Variants in ELP3 observed in about 807,000 individuals in gnomAD.
ELP3 encodes elongator complex protein 3.
In ELP3, 56 loss-of-function variants were observed where a neutral mutation model predicts 74.9. The ratio of observed to expected loss-of-function variants is 0.75; its 90% CI spans 0.60 to 0.93. The LOEUF is 0.93. Ranked by LOEUF, ELP3 falls within the 40% of genes least tolerant of loss-of-function variation. The probability of loss-of-function intolerance (pLI) is 0.00; values close to 1 mark genes in which losing one functional copy is unlikely to be tolerated. For synonymous variants in ELP3, 222 were observed against 239.8 expected, an observed-to-expected ratio of 0.93 and a Z score of 0.68; for missense variants, 573 against 686.5, an observed-to-expected ratio of 0.83 and a Z score of 1.85.
chr8:28,128,212 G>A (rs2130452048), intron 7 of ELP3, among the ~76,000 whole-genome samples: 1 of 152,244 alleles, frequency 6.6e-6, no homozygotes, highest in East Asian at 1.9e-4. Context: ...AGTGGCTCAT[G>A]CCCGTAATCC....
chr8:28,092,229 T>A (rs980634821), upstream of ELP3, among the ~76,000 whole-genome samples: 1 of 60,962 alleles, frequency 1.6e-5, no homozygotes, highest in Admixed American at 1.7e-4. Context: ...GCTTAACTTT[T>A]TGTTGTTGTT....
chr8:28,135,886 G>A (rs1031535989), intron 9 of ELP3, among the ~76,000 whole-genome samples: 1 of 151,646 alleles, frequency 6.6e-6, no homozygotes, highest in African/African-American at 2.4e-5. Context: ...GCCATCTTGG[G>A]TCTCATTCTT....
chr8:28,163,616 C>G (rs1156797711), intron 14 of ELP3, among the ~76,000 whole-genome samples: 1 of 150,978 alleles, frequency 6.6e-6, no homozygotes, highest in Admixed American at 6.6e-5. Context: ...ATAAGGCTCA[C>G]TTGATTGGTA....
chr8:28,109,449 T>C (rs1811827686), intron 5 of ELP3, among the ~76,000 whole-genome samples: 1 of 152,186 alleles, frequency 6.6e-6, no homozygotes, highest in Admixed American at 6.5e-5. Context: ...CTCTTCCCCC[T>C]ACCAGTTAGT....
chr8:28,113,334 G>A (rs1004708634), intron 7 of ELP3, among the ~76,000 whole-genome samples, 161 bp downstream of exon 7: 10 of 152,038 alleles, frequency 6.6e-5, no homozygotes, highest in African/African-American at 2.2e-4. Context: ...TAATGCTTTC[G>A]CTGAAATAAT....
At chr8:28,140,893 A>G (rs1223485827) in intron 10 of ELP3, among the ~76,000 whole-genome samples, 2 of 152,208 alleles carry the variant, frequency 1.3e-5, no homozygotes, top group Non-Finnish European at 2.9e-5. Context: ...AATCAACAAT[A>G]TATATCAGAT....
chr8:28,156,303 T>C (rs912105736), intron 11 of ELP3, among the ~76,000 whole-genome samples: 4 of 152,204 alleles, frequency 2.6e-5, no homozygotes, highest in African/African-American at 9.7e-5. Flanking sequence ...AGTTTTTCTT[T>C]TGAAGTATTA....
chr8:28,131,232 A>T (rs1005949790), intron 8 of ELP3, among the ~76,000 whole-genome samples: 3 of 152,386 alleles, frequency 2.0e-5, no homozygotes, highest in East Asian at 1.9e-4. Context: ...TAAGTTTCAG[A>T]TACCTGTAGA....
In ELP3 at chr8:28,132,280, G is replaced by A. The variant is rs780595629; in HGVS notation, c.782G>A (p.Gly261Asp). The A allele has an allele frequency of 5.0e-6, 8 of 1,613,866 alleles. No individual in the cohort carries two copies. In the African/African-American group the frequency reaches 9.3e-5, roughly 19 times the overall value. Residue 261 changes from glycine to aspartate, a missense_variant and splice_region_variant, in exon 9 of 15, where the codon GGC becomes GAC. Physicochemically the swap from Gly to Asp is moderately conservative, Grantham distance 94. Transcript: ENST00000256398. ...AGGTAGTGATTTTCTTTCCTTAGGG[G>A]CCACACTGTGAAGGCAGTGTGTGAG... ...YEDVARDTNR[G>D]HTVKAVCESF...
chr8:28,122,056 T>C (rs551546053), intron 7 of ELP3, among the ~76,000 whole-genome samples: 1 of 152,372 alleles, frequency 6.6e-6, no homozygotes, highest in African/African-American at 2.4e-5. Flanking sequence ...TCTCTGCATC[T>C]ATTTAAATGG....
chr8:28,164,185 C>T (rs889609734), intron 14 of ELP3, among the ~76,000 whole-genome samples: 1 of 152,122 alleles, frequency 6.6e-6, no homozygotes, highest in Admixed American at 6.5e-5. Context: ...CAGAGAGGAC[C>T]CCTGGCTTGC....
At position 28,158,593 on chromosome 8, in the gene ELP3, T is replaced by C. The variant is rs1813939493; in HGVS notation, c.1217T>C (p.Val406Ala). The C allele has an allele frequency of 8.1e-6, 13 of 1,602,484 alleles. No individual in the cohort carries two copies. The highest frequency in any genetic ancestry group is 1.4e-5 in the African/African-American group (1 of 70,264). Residue 406 changes from valine (V) to alanine (A), a missense_variant, in exon 12 of 15, where the codon GTT becomes GCT. Val to Ala is a moderately conservative substitution (Grantham distance 64). Transcript: ENST00000256398. ...IQCRDVRTRE[V>A]GIQEIHHKVR... ...TGTCGAGATGTGAGAACCAGAGAAG[T>C]TGGAATCCAAGAAATTCATCACAAA...
chr8:28,183,188 C>T (rs781247109), intron 14 of ELP3: 21 of 459,068 alleles, frequency 4.6e-5, no homozygotes, highest in African/African-American at 4.0e-4. Flanking sequence ...TTTCTTCTCC[C>T]CAAAGGGGTG....
intron 14 of ELP3, among the ~76,000 whole-genome samples, chr8:28,187,396 C>T (rs1465467411): frequency 1.3e-5 from 2 of 152,158 alleles, no homozygotes; most frequent in South Asian, 2.1e-4. Flanking sequence ...GTGAATAAAA[C>T]AAAATCCCTG....
At chr8:28,174,618 A>C (rs898713083) in intron 14 of ELP3, among the ~76,000 whole-genome samples, 3 of 152,172 alleles carry the variant, frequency 2.0e-5, no homozygotes, top group African/African-American at 7.2e-5. Context: ...ACCTAGACTT[A>C]AAATTATTGT....
chr8:28,156,510 G>A (rs1813834490), intron 11 of ELP3, among the ~76,000 whole-genome samples: 1 of 151,992 alleles, frequency 6.6e-6, no homozygotes, highest in South Asian at 2.1e-4. Flanking sequence ...CCTCTGTGCT[G>A]GCCCAGGATA....
chr8:28,160,523 G>C (rs778215322), intron 13 of ELP3, 67 bp downstream of exon 13: 50 of 1,394,890 alleles, frequency 3.6e-5, no homozygotes, highest in Non-Finnish European at 4.6e-5. Flanking sequence ...GAAAAGGAAT[G>C]GGGTGAAGAG....
At chr8:28,121,671 A>G (rs769695773) in intron 7 of ELP3, among the ~76,000 whole-genome samples, 9 of 152,154 alleles carry the variant, frequency 5.9e-5, no homozygotes, top group Admixed American at 4.6e-4. Context: ...CATACGGTTG[A>G]TTTTTATATA....
In ELP3 at chr8:28,159,203, CTT is replaced by C. The variant is rs1160670819; in HGVS notation, c.1257+571_1257+572del. On this transcript the variant is annotated intron_variant, in intron 12 of 14. Transcript: ENST00000256398. The stretch of plus-strand genomic sequence containing the variant: ...AATGAATTAACTTTTCTCTTATACT[CTT>C]ATAATGTCTAGCTGTATGCCAGATT... 3.3e-5 allele frequency among the ~76,000 whole-genome samples: 5 copies of C among 152,308 alleles called. No homozygotes were observed. The East Asian group carries it at 9.7e-4, about 29-fold the overall frequency.
Sources: gnomAD v4.1 joint callset for allele counts (sites outside exome capture counted in the v4.1 genomes callset) on GRCh38, gnomAD v4.1.1 for gene constraint, MANE v1.5 for transcripts, NCBI Gene and HGNC (gene_info 2026-07-23, HGNC 2026-07-21) for gene names.